RAPGEF2: variants seen among roughly 807,000 people sequenced by gnomAD.
RAPGEF2 encodes PDZ domain containing guanine nucleotide exchange factor (GEF) 1.
In RAPGEF2, 54 loss-of-function variants were observed where a neutral mutation model predicts 186.7. That is an observed-to-expected ratio of 0.29 (90% confidence interval 0.23 to 0.36). The LOEUF is 0.36. RAPGEF2 is among the 10% of genes least tolerant of loss of function. The pLI is 1.00. For synonymous variants in RAPGEF2, 712 were observed against 705.9 expected, an observed-to-expected ratio of 1.01 and a Z score of -0.14; for missense variants, 1,532 against 2,045.0, an observed-to-expected ratio of 0.75 and a Z score of 4.84.
intron 8 of RAPGEF2, among the ~76,000 whole-genome samples, chr4:159,304,706 A>G (rs974771028): frequency 1.3e-5 from 2 of 151,986 alleles, no homozygotes; most frequent in African/African-American, 4.8e-5. Context: ...TTTTATTTGT[A>G]TAAATTTGTG....
chr4:159,136,642 A>G (rs1741754597), intron 1 of RAPGEF2, among the ~76,000 whole-genome samples: 2 of 152,168 alleles, frequency 1.3e-5, no homozygotes, highest in African/African-American at 2.4e-5. Flanking sequence ...ACTGCTTGAC[A>G]TGCTAGAAGT....
intron 11 of RAPGEF2, 98 bp from the exon 12 acceptor site, chr4:159,329,760 A>G: frequency 1.0e-6 from 1 of 991,274 alleles, no homozygotes; most frequent in Non-Finnish European, 1.5e-6. Context: ...AGACAGGGAA[A>G]AATGTCAGTT....
intron 3 of RAPGEF2, among the ~76,000 whole-genome samples, chr4:159,200,007 T>C (rs1174450001): frequency 6.6e-6 from 1 of 152,190 alleles, no homozygotes; most frequent in Non-Finnish European, 1.5e-5. Context: ...TGGATCTATT[T>C]CTTTACCCTC....
At chr4:159,306,306 A>T (rs781586187) in intron 8 of RAPGEF2, among the ~76,000 whole-genome samples, 5 of 151,982 alleles carry the variant, frequency 3.3e-5, no homozygotes, top group Non-Finnish European at 7.4e-5. Flanking sequence ...AATTTCTTTC[A>T]TCAGTGTTTA....
rs1412788356 is a variant in RAPGEF2 at position 159,350,245 on chromosome 4, A to G, written c.3821A>G (p.Gln1274Arg). Residue 1274 changes from glutamine (Q) to arginine (R), a missense_variant, in exon 26 of 30, where the codon CAG becomes CGG. By Grantham distance (43) the Gln-to-Arg change is conservative. This residue lies in a region of RAPGEF2 where 594 missense variants were observed against 608.5 expected (regional missense o/e 0.98). Transcript: ENST00000691494. The part of the protein sequence containing the change: ...AEDTISNASS[Q>R]LSSPPTSPQS... ...GATACAATATCAAATGCATCTTCGC[A>G]GCTTTCTTCTCCTCCTACTTCTCCA... The G allele has an allele frequency of 1.2e-6, 2 of 1,600,820 alleles. No individual in the cohort carries two copies. Among genetic ancestry groups the G allele is most frequent in the Middle Eastern group, 1.7e-4 (1 of 6,020 alleles).
intron 7 of RAPGEF2, 129 bp downstream of exon 7, chr4:159,243,920 A>C: frequency 7.6e-6 from 5 of 653,800 alleles, no homozygotes; most frequent in Non-Finnish European, 1.2e-5. Flanking sequence ...GCCCTAATTT[A>C]CTTTGAAATT....
chr4:159,279,530 CAT>C (rs1049536701), intron 7 of RAPGEF2, among the ~76,000 whole-genome samples: 2 of 152,174 alleles, frequency 1.3e-5, no homozygotes, highest in Admixed American at 6.5e-5. Flanking sequence ...CCATCCCTGA[CAT>C]AAAATGTAGA....
intron 4 of RAPGEF2, among the ~76,000 whole-genome samples, chr4:159,234,266 G>T (rs1448214140): frequency 6.6e-6 from 1 of 152,126 alleles, no homozygotes; most frequent in East Asian, 1.9e-4. Flanking sequence ...AGGATCATAG[G>T]TGTACATTTA....
chr4:159,224,522 C>T (rs1382205255), intron 4 of RAPGEF2, among the ~76,000 whole-genome samples: 2 of 152,132 alleles, frequency 1.3e-5, no homozygotes, highest in Non-Finnish European at 2.9e-5. Context: ...TCAAACCAGG[C>T]AGTTATTAGA....
At chr4:159,199,315 T>C (rs1276329536) in intron 3 of RAPGEF2, among the ~76,000 whole-genome samples, 1 of 152,190 alleles carries the variant, frequency 6.6e-6, no homozygotes, top group Non-Finnish European at 1.5e-5. Context: ...AAAATGAAAA[T>C]GTTTTATTTT....
At chr4:159,127,398 C>G (rs1438303599) in intron 1 of RAPGEF2, among the ~76,000 whole-genome samples, 1 of 152,166 alleles carries the variant, frequency 6.6e-6, no homozygotes, top group African/African-American at 2.4e-5. Context: ...CAGTACCCCA[C>G]AAAAAACACA....
intron 1 of RAPGEF2, chr4:159,128,978 TA>T (rs1431954919): frequency 2.0e-5 from 3 of 148,700 alleles, no homozygotes; most frequent in East Asian, 2.0e-4. Context: ...ATTTTAAGTA[TA>T]TTTTTTGGAA....
chr4:159,252,811 T>C (rs1317623469), intron 7 of RAPGEF2, among the ~76,000 whole-genome samples: 4 of 152,152 alleles, frequency 2.6e-5, no homozygotes, highest in Non-Finnish European at 5.9e-5. Flanking sequence ...TTTAAACTTC[T>C]AAAAAAAATT....
rs555601410 is a variant in RAPGEF2, at chr4:159,217,786, C to T, written c.281+7203C>T. 7.2e-5 allele frequency among the ~76,000 whole-genome samples: 11 copies of T among 152,288 alleles called. No homozygotes were observed. In the East Asian group the frequency reaches 1.4e-3, roughly 19 times the overall value. On this transcript the variant is annotated intron_variant, in intron 4 of 29. Transcript: ENST00000691494. ...TACATTCCCACCAATAGTGTATAAG[C>T]GTTTGCTTTTCTCCACAGCCTGTCC...
chr4:159,105,862 C>T (rs1300308954), intron 1 of RAPGEF2, among the ~76,000 whole-genome samples: 1 of 152,212 alleles, frequency 6.6e-6, no homozygotes, highest in East Asian at 1.9e-4. Flanking sequence ...CCTAGCAAGG[C>T]TGGTCAGAAA....
chr4:159,158,360 TTCCTTTGGCTC>T (rs1196028315), intron 1 of RAPGEF2, among the ~76,000 whole-genome samples: 2 of 152,194 alleles, frequency 1.3e-5, no homozygotes, highest in Non-Finnish European at 2.9e-5. Flanking sequence ...ACATATCCCT[TTCCTTTGGCTC>T]TCCTTTTTGT....
chr4:159,311,920 T>A (rs771816345), intron 8 of RAPGEF2, among the ~76,000 whole-genome samples: 1 of 152,126 alleles, frequency 6.6e-6, no homozygotes, highest in Non-Finnish European at 1.5e-5. Flanking sequence ...ATCTCTAAAT[T>A]TTTGGTTTAG....
At chr4:159,296,238 A>G (rs1461710890) in intron 7 of RAPGEF2, among the ~76,000 whole-genome samples, 3 of 152,248 alleles carry the variant, frequency 2.0e-5, no homozygotes, top group Non-Finnish European at 4.4e-5. Flanking sequence ...ACTACCTTAA[A>G]CAAATTAGAA....
intron 1 of RAPGEF2, among the ~76,000 whole-genome samples, chr4:159,110,136 AT>A (rs1738328891): frequency 6.6e-6 from 1 of 152,204 alleles, no homozygotes; most frequent in African/African-American, 2.4e-5. Flanking sequence ...GCACAGGATG[AT>A]CATGGATATT....
Sources: gnomAD v4.1 joint callset for allele counts (sites outside exome capture counted in the v4.1 genomes callset) on GRCh38, gnomAD v4.1.1 for gene constraint, gnomAD v4.1.1 regional missense constraint, MANE v1.5 for transcripts, NCBI Gene and HGNC (gene_info 2026-07-23, HGNC 2026-07-21) for gene names.